The following ETV6 variants were observed in gnomAD, a reference collection of about 807,000 sequenced individuals.
The protein encoded by ETV6 is transcription factor ETV6.
In ETV6, 16 loss-of-function variants were observed where a neutral mutation model predicts 51.1. That is an observed-to-expected ratio of 0.31 (90% CI 0.21 to 0.48). The LOEUF is 0.48. ETV6 is among the 20% of genes least tolerant of loss of function. The probability of loss-of-function intolerance (pLI) is 0.99; values close to 1 mark genes in which losing one functional copy is unlikely to be tolerated. For synonymous variants in ETV6, 240 were observed against 224.1 expected, an observed-to-expected ratio of 1.07 and a Z score of -0.64; for missense variants, 458 against 594.8, an observed-to-expected ratio of 0.77 and a Z score of 2.39.
intron 2 of ETV6, among the ~76,000 whole-genome samples, chr12:11,774,534 G>T (rs757079900): frequency 2.0e-5 from 3 of 152,188 alleles, no homozygotes. Flanking sequence ...CTATACCTTA[G>T]TGTCTGTGTT....
intron 5 of ETV6, among the ~76,000 whole-genome samples, chr12:11,875,798 T>C (rs536779988): frequency 1.3e-5 from 2 of 152,320 alleles, no homozygotes; most frequent in Admixed American, 1.3e-4. Context: ...CCAGCCACCA[T>C]GCGTTTTTTT....
chr12:11,659,433 T>TTAGGTTTGGAGAGAAA (rs1864059391), intron 1 of ETV6, among the ~76,000 whole-genome samples: 2 of 152,084 alleles, frequency 1.3e-5, no homozygotes, highest in African/African-American at 4.8e-5. Flanking sequence ...AAGCAAGAGT[T>TTAGGTTTGGAGAGAAA]TAGGTTTGGA....
At chr12:11,804,232 C>A (rs771304951) in intron 2 of ETV6, among the ~76,000 whole-genome samples, 6 of 152,188 alleles carry the variant, frequency 3.9e-5, no homozygotes, top group African/African-American at 1.4e-4. Context: ...GGAATTCACA[C>A]TAGCCAGAGA....
chr12:11,704,212 C>G (rs1865032560), intron 1 of ETV6, among the ~76,000 whole-genome samples: 1 of 152,098 alleles, frequency 6.6e-6, no homozygotes, highest in Admixed American at 6.5e-5. Context: ...GGTAGGTACT[C>G]AAGACATGCT....
At chr12:11,733,464 C>G (rs1865642128) in intron 1 of ETV6, among the ~76,000 whole-genome samples, 1 of 151,336 alleles carries the variant, frequency 6.6e-6, no homozygotes, top group East Asian at 1.9e-4. Context: ...GCCCTTCAAG[C>G]CCCCGCACCG....
chr12:11,667,818 C>T (rs1005043051), intron 1 of ETV6, among the ~76,000 whole-genome samples: 13 of 150,846 alleles, frequency 8.6e-5, no homozygotes, highest in African/African-American at 1.2e-4. Flanking sequence ...TTCCTTGCCT[C>T]GGCCTCCCGT....
intron 5 of ETV6, among the ~76,000 whole-genome samples, chr12:11,880,032 TAAAAAA>T (rs59152213): frequency 3.4e-5 from 4 of 117,870 alleles, no homozygotes; most frequent in Non-Finnish European, 7.0e-5. Context: ...GTCAATTGTT[TAAAAAA>T]AAAAAAAAAA....
At position 11,650,504 on chromosome 12, in the gene ETV6, A is replaced by AAAAAAAAAAAAAAAAAC. The variant is rs1555109540; in HGVS notation, c.33+355_33+356insAAAAACAAAAAAAAAAA. Among the ~76,000 whole-genome samples, 51 of 94,216 alleles carry AAAAAAAAAAAAAAAAAC rather than the reference A, an allele frequency of 5.4e-4. 3 individuals carry two copies. Among genetic ancestry groups the AAAAAAAAAAAAAAAAAC allele is most frequent in the Admixed American group, 6.9e-4 (5 of 7,296 alleles). 61.8% of individuals were successfully genotyped at this position (94,216 alleles called of 152,430 possible). The stretch of plus-strand genomic sequence containing the variant: ...CTTAAAAAAAAAAAAAACAAAAAAC[A>AAAAAAAAAAAAAAAAAC]AAAAAAAAAAACCTGCTCCCTATTC... On this transcript the variant is annotated intron_variant, in intron 1 of 7. Transcript: ENST00000396373.
intron 1 of ETV6, among the ~76,000 whole-genome samples, chr12:11,698,690 A>G (rs1029803531): frequency 6.6e-6 from 1 of 152,226 alleles, no homozygotes. Context: ...CCTTTGTAAG[A>G]TAGAAGTAGG....
chr12:11,812,981 T>G (rs1945936431), intron 2 of ETV6, among the ~76,000 whole-genome samples: 1 of 152,156 alleles, frequency 6.6e-6, no homozygotes, highest in Non-Finnish European at 1.5e-5. Context: ...GAACCCTGGC[T>G]GCGGTGACCC....
intron 5 of ETV6, among the ~76,000 whole-genome samples, chr12:11,874,895 A>G (rs1432361479): frequency 3.2e-5 from 4 of 123,904 alleles, no homozygotes; most frequent in South Asian, 3.0e-4. Flanking sequence ...GGGTCCTGTT[A>G]TGGGGTCGGG....
At chr12:11,658,201 A>G (rs1048379286) in intron 1 of ETV6, among the ~76,000 whole-genome samples, 1 of 152,180 alleles carries the variant, frequency 6.6e-6, no homozygotes, top group Admixed American at 6.5e-5. Context: ...TGCCCACATT[A>G]TACAGTTGAG....
At chr12:11,782,646 C>T (rs1350951642) in intron 2 of ETV6, among the ~76,000 whole-genome samples, 1 of 152,110 alleles carries the variant, frequency 6.6e-6, no homozygotes. Context: ...TGGAGTCAGT[C>T]TGTTATGTAG....
chr12:11,840,842 C>G (rs974861961), intron 3 of ETV6: 5 of 232,416 alleles, frequency 2.2e-5, no homozygotes, highest in African/African-American at 1.1e-4. Flanking sequence ...ATAAAACAAC[C>G]ATGTAAATAA....
At chr12:11,860,925 T>C (rs938042808) in intron 4 of ETV6, among the ~76,000 whole-genome samples, 3 of 152,266 alleles carry the variant, frequency 2.0e-5, no homozygotes, top group Non-Finnish European at 4.4e-5. Context: ...CTCACTGTTA[T>C]CCAAGAACAC....
intron 1 of ETV6, among the ~76,000 whole-genome samples, chr12:11,723,177 AT>A (rs1170581004): frequency 6.6e-6 from 1 of 152,218 alleles, no homozygotes; most frequent in African/African-American, 2.4e-5. Context: ...GATTGTGAGT[AT>A]TAAATGAATT....
At chr12:11,670,052 G>C (rs1282542299) in intron 1 of ETV6, among the ~76,000 whole-genome samples, 1 of 150,720 alleles carries the variant, frequency 6.6e-6, no homozygotes. Flanking sequence ...GTTCACCTGG[G>C]CTTGTTCATG....
intron 5 of ETV6, among the ~76,000 whole-genome samples, chr12:11,878,793 G>C (rs1160031587): frequency 2.0e-5 from 3 of 146,602 alleles, no homozygotes; most frequent in African/African-American, 5.0e-5. Flanking sequence ...TCTGCTTCTA[G>C]GTAATGGCTG....
chr12:11,781,554 C>T (rs1478705748), intron 2 of ETV6, among the ~76,000 whole-genome samples: 1 of 152,142 alleles, frequency 6.6e-6, no homozygotes, highest in Non-Finnish European at 1.5e-5. Flanking sequence ...TATTTTTCGT[C>T]TAATATGTGC....
Sources: allele counts gnomAD v4.1 joint callset (sites outside exome capture counted in the v4.1 genomes callset), GRCh38; gene constraint gnomAD v4.1.1; transcripts MANE v1.5; gene names NCBI Gene and HGNC (gene_info 2026-07-23, HGNC 2026-07-21).